NEK9: variants seen among roughly 807,000 people sequenced by gnomAD.
NEK9 encodes the protein NIMA related kinase 9, also known as serine/threonine-protein kinase Nek9.
NEK9 carries 75 observed loss-of-function variants against 123.4 expected under a neutral mutation model. The ratio of observed to expected loss-of-function variants is 0.61; its 90% CI spans 0.50 to 0.74. The LOEUF (loss-of-function observed/expected upper bound fraction) is 0.74, where lower values mean the gene tolerates loss of function less well. NEK9 is among the 30% of genes least tolerant of loss of function. The pLI is 0.00. For missense variants in NEK9, 952 were observed against 1,214.4 expected, an observed-to-expected ratio of 0.78 and a Z score of 3.21; for synonymous variants, 438 against 458.7, an observed-to-expected ratio of 0.95 and a Z score of 0.58.
At chr14:75,103,081 A>T (rs1020647098) in intron 14 of NEK9, among the ~76,000 whole-genome samples, 2 of 152,138 alleles carry the variant, frequency 1.3e-5, no homozygotes, top group Non-Finnish European at 2.9e-5. Flanking sequence ...ATTAGGCGAT[A>T]TACCTAATGT....
At chr14:75,108,378 G>A (rs1017715987) in intron 10 of NEK9, among the ~76,000 whole-genome samples, 6 of 151,698 alleles carry the variant, frequency 4.0e-5, no homozygotes, top group South Asian at 2.1e-4. Context: ...CACTCGCCTC[G>A]GCCTCCCAAA....
intron 9 of NEK9, 131 bp from the exon 10 acceptor site, chr14:75,110,008 G>T: frequency 2.2e-6 from 2 of 926,740 alleles, no homozygotes; most frequent in Non-Finnish European, 3.2e-6. Flanking sequence ...TCGACAACTT[G>T]TTTCAATGTG....
intron 18 of NEK9, among the ~76,000 whole-genome samples, chr14:75,095,065 G>C (rs968124533): frequency 6.6e-6 from 1 of 152,062 alleles, no homozygotes; most frequent in African/African-American, 2.4e-5. Context: ...TGGAAGTAGA[G>C]GACTCATTAC....
chr14:75,086,684 G>A (rs1163566236), intron 21 of NEK9: 1 of 246,014 alleles, frequency 4.1e-6, no homozygotes, highest in Non-Finnish European at 8.3e-6. Context: ...GAGGCGGGTG[G>A]ATCATGAAGT....
intron 13 of NEK9, among the ~76,000 whole-genome samples, chr14:75,104,411 C>A (rs572605281): frequency 6.6e-6 from 1 of 152,022 alleles, no homozygotes; most frequent in East Asian, 1.9e-4. Context: ...GGTGATCTAC[C>A]CACCTTGGCC....
chr14:75,098,009 T>C (rs1471839175), intron 16 of NEK9, among the ~76,000 whole-genome samples: 3 of 152,176 alleles, frequency 2.0e-5, no homozygotes, highest in Non-Finnish European at 4.4e-5. Flanking sequence ...TACTGACTGA[T>C]AGAGGAAACC....
At chr14:75,114,696 A>G (rs1403941789) in intron 6 of NEK9, among the ~76,000 whole-genome samples, 1 of 152,150 alleles carries the variant, frequency 6.6e-6, no homozygotes, top group Non-Finnish European at 1.5e-5. Context: ...TACAGGCAAT[A>G]CTCTGCTGCA....
In NEK9 at chr14:75,126,697, C is replaced by T; in HGVS notation, c.219+6G>A. The T allele has an allele frequency of 1.4e-6, 2 of 1,410,344 alleles. No individual in the cohort carries two copies. The highest frequency in any genetic ancestry group is 1.8e-6 in the Non-Finnish European group (2 of 1,086,944). The allele number at this position is 1,410,344 out of a possible 1,614,324, so 87.4% of individuals were successfully genotyped here. A position where few individuals can be genotyped will look rare whatever the true frequency, so the allele number is the denominator to read the frequency against. On this transcript the variant is annotated splice_donor_region_variant and intron_variant, in intron 1 of 21. Coordinates refer to ENST00000238616, the MANE Select transcript of NEK9 (RefSeq NM_033116.6). ...AGACAGGGCGGCCGGCGCCGAGGGC[C>T]GCTACCTCGGTGCGGCGGTACAGCG...
chr14:75,100,650 T>G (rs1894545270), intron 16 of NEK9, among the ~76,000 whole-genome samples: 1 of 152,206 alleles, frequency 6.6e-6, no homozygotes, highest in Non-Finnish European at 1.5e-5. Flanking sequence ...ACCCAATCAA[T>G]GTTTACTGAA....
chr14:75,104,368 G>A (rs1480451385), intron 13 of NEK9, among the ~76,000 whole-genome samples: 1 of 152,034 alleles, frequency 6.6e-6, no homozygotes, highest in Admixed American at 6.6e-5. Context: ...GTTTTGCCAC[G>A]TAGGCCAGGC....
chr14:75,117,122 A>G, intron 6 of NEK9, 73 bp downstream of exon 6: 2 of 1,494,232 alleles, frequency 1.3e-6, no homozygotes. Flanking sequence ...CTGGGAATAG[A>G]GTTGATCTGC....
chr14:75,099,509 T>C (rs1894492044), intron 16 of NEK9, among the ~76,000 whole-genome samples: 1 of 151,064 alleles, frequency 6.6e-6, no homozygotes, highest in South Asian at 2.1e-4. Flanking sequence ...TGACCAGGAG[T>C]GGTGGCTCAC....
In NEK9 at chr14:75,083,984, C is replaced by G. The variant is rs1184434371; in HGVS notation, c.*580G>C. Reference sequence around the variant, plus strand: ...TTTCCTCCTAAAGCATTTAGCTGCACAGAGTAACTGAACTTTTTCGAAACA... The same window carrying G: ...TTTCCTCCTAAAGCATTTAGCTGCAGAGAGTAACTGAACTTTTTCGAAACA... On this transcript the variant is annotated 3_prime_UTR_variant, in exon 22 of 22. Coordinates refer to ENST00000238616, the MANE Select transcript of NEK9 (RefSeq NM_033116.6). 1.3e-5 allele frequency: 2 copies of G among 153,682 alleles called. No homozygotes were observed. The highest frequency in any genetic ancestry group is 2.4e-5 in the African/African-American group (1 of 41,446). 9.5% of individuals were successfully genotyped at this position (153,682 alleles called of 1,614,324 possible).
chr14:75,084,964 G>A (rs1893975104), intron 21 of NEK9: 1 of 333,382 alleles, frequency 3.0e-6, no homozygotes, highest in Non-Finnish European at 5.8e-6. Flanking sequence ...AAAGTCCTGG[G>A]CAAAACAATC....
At chr14:75,126,353 T>C (rs1042598850) in intron 1 of NEK9, among the ~76,000 whole-genome samples, 1 of 152,030 alleles carries the variant, frequency 6.6e-6, no homozygotes, top group Non-Finnish European at 1.5e-5. Flanking sequence ...CACATTCGTA[T>C]ACCACTTTAA....
At chr14:75,126,650 C>T (rs1895537706) in intron 1 of NEK9, 53 bp downstream of exon 1, 1 of 1,338,868 alleles carries the variant, frequency 7.5e-7, no homozygotes, top group Non-Finnish European at 9.7e-7. Flanking sequence ...GAAGGAGGGA[C>T]TCGGGGCGAC....
At chr14:75,106,342 G>C (rs903407905) in intron 12 of NEK9, 160 bp downstream of exon 12, 2 of 615,842 alleles carry the variant, frequency 3.2e-6, no homozygotes, top group East Asian at 6.3e-5. Flanking sequence ...CTGGGTGACA[G>C]AGAGAGACTC....
chr14:75,086,234 A>G (rs574753581), intron 21 of NEK9, among the ~76,000 whole-genome samples: 1 of 151,440 alleles, frequency 6.6e-6, no homozygotes, highest in Non-Finnish European at 1.5e-5. Context: ...AAAATAATTT[A>G]AAAAAGGTGA....
intron 1 of NEK9, among the ~76,000 whole-genome samples, chr14:75,126,003 A>G (rs1895511618): frequency 6.6e-6 from 1 of 152,212 alleles, no homozygotes; most frequent in South Asian, 2.1e-4. Context: ...CATATGTGCA[A>G]ATGTGTTGAT....
Sources: gnomAD v4.1 joint callset for allele counts (sites outside exome capture counted in the v4.1 genomes callset) on GRCh38, gnomAD v4.1.1 for gene constraint, MANE v1.5 for transcripts, NCBI Gene and HGNC (gene_info 2026-07-23, HGNC 2026-07-21) for gene names.